SEPTIN7: variants seen among roughly 807,000 people sequenced by gnomAD.
SEPTIN7 encodes the protein septin-7.
SEPTIN7 carries 10 observed loss-of-function variants against 63.3 expected under a neutral mutation model. The ratio of observed to expected loss-of-function variants is 0.16; its 90% CI spans 0.10 to 0.27. SEPTIN7 has a LOEUF of 0.27. Among genes scored for constraint, SEPTIN7 ranks in the 10% least tolerant of loss-of-function variants. SEPTIN7 has a pLI of 1.00. For missense variants in SEPTIN7, 310 were observed against 521.0 expected, an observed-to-expected ratio of 0.59 and a Z score of 3.94; for synonymous variants, 131 against 165.3, an observed-to-expected ratio of 0.79 and a Z score of 1.59.
intron 10 of SEPTIN7, among the ~76,000 whole-genome samples, chr7:35,889,791 G>T (rs758154473): frequency 6.6e-6 from 1 of 152,052 alleles, no homozygotes; most frequent in Admixed American, 6.6e-5. Context: ...CAATCTGCCC[G>T]CCCCGGCCTC....
chr7:35,819,103 T>A (rs375053806), intron 1 of SEPTIN7, among the ~76,000 whole-genome samples: 7 of 152,160 alleles, frequency 4.6e-5, no homozygotes, highest in Non-Finnish European at 1.0e-4. Flanking sequence ...AATTTCCTTC[T>A]AAGCACTGAT....
At chr7:35,864,497 T>C (rs1785690375) in intron 4 of SEPTIN7, among the ~76,000 whole-genome samples, 1 of 152,138 alleles carries the variant, frequency 6.6e-6, no homozygotes, top group African/African-American at 2.4e-5. Context: ...GTGGTCTGAA[T>C]TGTGATGTTC....
rs1219060871 is a variant in SEPTIN7, at chr7:35,905,084, G to T, written c.*791G>T. On this transcript the variant is annotated 3_prime_UTR_variant, in exon 14 of 14. Transcript: ENST00000350320. ...TTTTACACTTTATGGTAAGTAGCAG[G>T]GGGGGAAATGCATTTATAGATCATT... The T allele has an allele frequency of 2.0e-5, 3 of 152,504 alleles. No homozygotes were observed. Among genetic ancestry groups the T allele is most frequent in the Non-Finnish European group, 4.4e-5 (3 of 68,010 alleles). 9.4% of individuals were successfully genotyped at this position (152,504 alleles called of 1,614,324 possible).
At chr7:35,897,707 G>T (rs1344274610) in intron 11 of SEPTIN7, among the ~76,000 whole-genome samples, 2 of 152,092 alleles carry the variant, frequency 1.3e-5, no homozygotes, top group African/African-American at 4.8e-5. Flanking sequence ...ATCATAAGGG[G>T]CCTAGAAATA....
chr7:35,838,028 C>T (rs568640112), intron 3 of SEPTIN7, among the ~76,000 whole-genome samples: 3 of 152,124 alleles, frequency 2.0e-5, no homozygotes, highest in African/African-American at 4.8e-5. Flanking sequence ...CACACCTGGC[C>T]GTCGCAAGTT....
At position 35,898,280 on chromosome 7, in the gene SEPTIN7, G is replaced by T; in HGVS notation, c.1031G>T (p.Arg344Met). The T allele has an allele frequency of 6.4e-7, 1 of 1,551,486 alleles. No individual in the cohort carries two copies. The highest frequency in any genetic ancestry group is 8.7e-7 in the Non-Finnish European group (1 of 1,146,306). ...CTGGCACAAATGGAAGAAGAAAGAA[G>T]GGAGCATGTAGCTAAAATGAAGAAG... ...SPLAQMEEER[R>M]EHVAKMKKME... Residue 344 changes from arginine (R) to methionine (M), a missense_variant, in exon 12 of 14, where the codon AGG becomes ATG. By Grantham distance (91) the Arg-to-Met change is moderately conservative (BLOSUM62 -1). Around this residue, in one of 2 missense-constraint regions of SEPTIN7, gnomAD observed 255 missense variants for 490.5 expected, o/e 0.52. Coordinates refer to ENST00000350320, the MANE Select transcript of SEPTIN7 (RefSeq NM_001788.6).
chr7:35,908,724 G>A (rs986631607), downstream of SEPTIN7, among the ~76,000 whole-genome samples: 13 of 152,132 alleles, frequency 8.5e-5, no homozygotes, highest in African/African-American at 3.1e-4. Context: ...ACCCCGCTTA[G>A]CTCCCTTTTG....
chr7:35,881,437 T>C (rs1440815978), intron 7 of SEPTIN7, among the ~76,000 whole-genome samples: 2 of 151,946 alleles, frequency 1.3e-5, no homozygotes, highest in Admixed American at 1.3e-4. Flanking sequence ...CCATTGCTTT[T>C]AGAGCTAGCT....
In SEPTIN7 at chr7:35,904,272, GAAGA is replaced by G; in HGVS notation, c.1297_1300del (p.Lys433GlyfsTer15). ...CCTTTAGAACCTTGGAAAAGAACAA[GAAGA>G]AAGGGAAGATCTTTTAAACTCTCTA... On this transcript the variant is annotated frameshift_variant, in exon 14 of 14. Coordinates refer to ENST00000350320, the MANE Select transcript of SEPTIN7 (RefSeq NM_001788.6). LOFTEE classifies it high-confidence loss of function. 1 of 1,563,668 alleles carries G rather than the reference GAAGA, an allele frequency of 6.4e-7. No individual in the cohort carries two copies. The highest frequency in any genetic ancestry group is 8.7e-7 in the Non-Finnish European group (1 of 1,153,700).
At chr7:35,814,342 T>A (rs570946574) in intron 1 of SEPTIN7, among the ~76,000 whole-genome samples, 1 of 152,218 alleles carries the variant, frequency 6.6e-6, no homozygotes, top group Non-Finnish European at 1.5e-5. Flanking sequence ...GATAACTTAC[T>A]GTAATTTTAA....
At chr7:35,898,634 ATTAG>A in intron 12 of SEPTIN7, 1 of 286,876 alleles carries the variant, frequency 3.5e-6, no homozygotes, top group Non-Finnish European at 6.5e-6. Flanking sequence ...ATAATGAATT[ATTAG>A]TTATAATGAA....
intron 1 of SEPTIN7, among the ~76,000 whole-genome samples, chr7:35,810,053 T>C (rs906637889): frequency 5.3e-5 from 8 of 152,102 alleles, no homozygotes; most frequent in African/African-American, 1.9e-4. Flanking sequence ...TTTCTTGAAA[T>C]AGGTAATTTG....
At chr7:35,858,028 TTC>T (rs1785295541) in intron 3 of SEPTIN7, among the ~76,000 whole-genome samples, 1 of 152,048 alleles carries the variant, frequency 6.6e-6, no homozygotes, top group Non-Finnish European at 1.5e-5. Context: ...CTGCAGCCTC[TTC>T]CTCCTGGTTC....
At chr7:35,901,308 C>CA (rs750392872) in intron 12 of SEPTIN7, 2 of 152,170 alleles carry the variant, frequency 1.3e-5, no homozygotes, top group Non-Finnish European at 2.9e-5. Context: ...GATAGGTCCA[C>CA]AGTCCTGTTT....
rs768999171 is a variant in SEPTIN7 at position 35,872,702 on chromosome 7, G to A, written c.313G>A (p.Val105Ile). ...CAAAGTTTTAATCAAAGAAGGTGGT[G>A]TTCAGTTGCTGCTCACAATAGTTGA... ...QSKVLIKEGGVQLLLTIVDTP... is the reference protein window; with the variant it reads ...QSKVLIKEGGIQLLLTIVDTP... Residue 105 changes from valine to isoleucine, a missense_variant, in exon 5 of 14, where the codon GTT becomes ATT. Physicochemically the swap from Val to Ile is conservative, Grantham distance 29. This residue lies in a region of SEPTIN7 where 255 missense variants were observed against 490.5 expected (regional missense o/e 0.52). Transcript: ENST00000350320. The A allele has an allele frequency of 8.1e-6, 13 of 1,612,728 alleles. No homozygotes were observed. The highest frequency in any genetic ancestry group is 1.1e-5 in the South Asian group (1 of 91,054).
At chr7:35,841,630 T>C (rs534880759) in intron 3 of SEPTIN7, among the ~76,000 whole-genome samples, 2 of 152,322 alleles carry the variant, frequency 1.3e-5, no homozygotes, top group Admixed American at 6.5e-5. Flanking sequence ...GTAAAAATGG[T>C]ATCACATTTG....
chr7:35,898,651 A>G, intron 12 of SEPTIN7: 1 of 254,032 alleles, frequency 3.9e-6, no homozygotes, highest in Non-Finnish European at 7.5e-6. Flanking sequence ...ATAATGAACA[A>G]GTTTGAGTTG....
intron 10 of SEPTIN7, among the ~76,000 whole-genome samples, chr7:35,887,607 A>G (rs1363965306): frequency 6.6e-6 from 1 of 152,112 alleles, no homozygotes; most frequent in Non-Finnish European, 1.5e-5. Flanking sequence ...TCAGCCTCCC[A>G]CAGTGCTGGG....
At chr7:35,807,842 T>A (rs1788451881) in intron 1 of SEPTIN7, among the ~76,000 whole-genome samples, 1 of 151,780 alleles carries the variant, frequency 6.6e-6, no homozygotes, top group African/African-American at 2.4e-5. Context: ...GTTGTTTTGT[T>A]TTTTTGAGAC....
Sources: allele counts gnomAD v4.1 joint callset (sites outside exome capture counted in the v4.1 genomes callset), GRCh38; gene constraint gnomAD v4.1.1; regional missense constraint gnomAD v4.1.1; transcripts MANE v1.5; gene names NCBI Gene and HGNC (gene_info 2026-07-23, HGNC 2026-07-21).